Variants in RBMS3 observed in about 807,000 individuals in gnomAD.
RBMS3 encodes RNA-binding motif, single-stranded-interacting protein 3.
In RBMS3, 27 loss-of-function variants were observed where a neutral mutation model predicts 66.8. That is an observed-to-expected ratio of 0.40 (90% CI 0.30 to 0.56). RBMS3 has a LOEUF of 0.56. Ranked by LOEUF, RBMS3 falls within the 20% of genes least tolerant of loss-of-function variation. RBMS3 has a pLI of 0.40. For synonymous variants in RBMS3, 188 were observed against 183.0 expected, an observed-to-expected ratio of 1.03 and a Z score of -0.22; for missense variants, 513 against 549.5, an observed-to-expected ratio of 0.93 and a Z score of 0.66.
chr3:29,581,968 A>G (rs940631976), intron 3 of RBMS3, among the ~76,000 whole-genome samples: 13 of 152,228 alleles, frequency 8.5e-5, no homozygotes, highest in African/African-American at 3.1e-4. Flanking sequence ...GCCCACAGCA[A>G]CACAGAAGTA....
At chr3:29,944,291 G>A in intron 12 of RBMS3, 37 bp downstream of exon 12, 1 of 1,519,620 alleles carries the variant, frequency 6.6e-7, no homozygotes, top group Non-Finnish European at 9.1e-7. Context: ...CTGGATTGGA[G>A]GGGAGAGATG....
At chr3:29,302,069 G>GCTGCAC (rs1238262190) in intron 1 of RBMS3, among the ~76,000 whole-genome samples, 1 of 151,950 alleles carries the variant, frequency 6.6e-6, no homozygotes. Context: ...TAGTGCAGTG[G>GCTGCAC]TATGGTCATG....
chr3:29,974,567 C>A (rs1268058290), intron 12 of RBMS3, among the ~76,000 whole-genome samples: 1 of 151,672 alleles, frequency 6.6e-6, no homozygotes, highest in Non-Finnish European at 1.5e-5. Flanking sequence ...AGGGTCTTAT[C>A]ACAGAAACCT....
chr3:29,668,956 A>G (rs1456144043), intron 4 of RBMS3, among the ~76,000 whole-genome samples: 1 of 152,210 alleles, frequency 6.6e-6, no homozygotes, highest in Non-Finnish European at 1.5e-5. Context: ...ATTGTACCCC[A>G]TCATTTTCCC....
intron 1 of RBMS3, among the ~76,000 whole-genome samples, chr3:29,318,342 A>G (rs1334952746): frequency 2.0e-5 from 3 of 151,882 alleles, no homozygotes; most frequent in African/African-American, 4.8e-5. Context: ...GTCAGTTGCA[A>G]GACAAAATGA....
chr3:29,527,181 TAAAAAAAAAAAAA>T lies in RBMS3; in HGVS notation c.307+38699_307+38711del, dbSNP rs538907247. ...TTTCAGACGTGATTGTTAGGTAGAGTAAAAAAAAAAAAAAAAAAAAAAAAAAAAAGATGGAAAG... is the reference window on the plus strand; with the variant it reads ...TTTCAGACGTGATTGTTAGGTAGAGTAAAAAAAAAAAAAAAAGATGGAAAG... On this transcript the variant is annotated intron_variant, in intron 3 of 14. Coordinates refer to ENST00000383767, the MANE Select transcript of RBMS3 (RefSeq NM_001003793.3). 5.6e-4 allele frequency among the ~76,000 whole-genome samples: 49 copies of T among 87,822 alleles called. 1 individual carries two copies. The highest frequency in any genetic ancestry group is 1.8e-3 in the African/African-American group (38 of 21,074). The allele number at this position is 87,822 out of a possible 152,430, so 57.6% of individuals were successfully genotyped here. A position where few individuals can be genotyped will look rare whatever the true frequency, so the allele number is the denominator to read the frequency against.
chr3:29,596,493 G>A (rs2047946509), intron 4 of RBMS3, among the ~76,000 whole-genome samples: 2 of 152,212 alleles, frequency 1.3e-5, no homozygotes, highest in Non-Finnish European at 2.9e-5. Context: ...AATAGGTTAA[G>A]TGCTTTTATA....
chr3:29,972,240 G>A (rs1393644868), intron 12 of RBMS3, among the ~76,000 whole-genome samples: 2 of 151,788 alleles, frequency 1.3e-5, no homozygotes, highest in African/African-American at 2.4e-5. Context: ...TTGGAAAAAA[G>A]AGGGCTTGCA....
At chr3:29,462,832 A>T (rs1477589362) in intron 2 of RBMS3, among the ~76,000 whole-genome samples, 10 of 152,224 alleles carry the variant, frequency 6.6e-5, no homozygotes, top group Admixed American at 2.0e-4. Flanking sequence ...ACAATGACTT[A>T]AGAAAATGAA....
chr3:29,947,199 T>A (rs1695383376), intron 12 of RBMS3, among the ~76,000 whole-genome samples: 1 of 151,544 alleles, frequency 6.6e-6, no homozygotes, highest in African/African-American at 2.4e-5. Flanking sequence ...TGGCAAAGTT[T>A]GAATCATGGG....
At chr3:29,727,799 C>T (rs9828662) in intron 4 of RBMS3, among the ~76,000 whole-genome samples, 17,589 of 152,112 alleles carry the variant, frequency 0.12, 1,067 homozygotes, top group Middle Eastern at 0.24. Flanking sequence ...GACAGTGTGG[C>T]GATTCCTCAA....
At chr3:29,372,286 G>A (rs868500700) in intron 1 of RBMS3, among the ~76,000 whole-genome samples, 4 of 152,032 alleles carry the variant, frequency 2.6e-5, no homozygotes, top group Middle Eastern at 3.4e-3. Flanking sequence ...GTGAGATCAC[G>A]CCACTGCACT....
intron 3 of RBMS3, among the ~76,000 whole-genome samples, chr3:29,503,795 T>TA (rs2044070814): frequency 6.6e-6 from 1 of 152,150 alleles, no homozygotes; most frequent in African/African-American, 2.4e-5. Context: ...TAGGTGCCTA[T>TA]AAAGTACCTC....
chr3:29,997,145 C>T (rs1315535965), intron 14 of RBMS3, among the ~76,000 whole-genome samples: 190 of 151,776 alleles, frequency 1.3e-3, no homozygotes, highest in African/African-American at 3.7e-3. Flanking sequence ...AACACCTCTA[C>T]GCAAATAAAC....
rs71091070 is a variant in RBMS3 at position 29,546,108 on chromosome 3, T to TTGTGTGTGTG, written c.308-40970_308-40961dup. On this transcript the variant is annotated intron_variant, in intron 3 of 14. Transcript: ENST00000383767. ...GCTGGCACTGTTTGATGAGACGGGTTTGTGTGTGTGTGTGTGTGTGTGTGT... is the reference window on the plus strand; with the variant it reads ...GCTGGCACTGTTTGATGAGACGGGTTTGTGTGTGTGTGTGTGTGTGTGTGTGTGTGTGTGT... Among the ~76,000 whole-genome samples, 505 of 146,020 alleles carry TTGTGTGTGTG rather than the reference T, an allele frequency of 3.5e-3. 2 individuals carry two copies. Among genetic ancestry groups the TTGTGTGTGTG allele is most frequent in the East Asian group, 0.026 (126 of 4,830 alleles).
At chr3:29,478,365 T>C (rs1233367416) in intron 2 of RBMS3, among the ~76,000 whole-genome samples, 1 of 152,186 alleles carries the variant, frequency 6.6e-6, no homozygotes, top group Non-Finnish European at 1.5e-5. Context: ...TTCTGGTTCC[T>C]AAATGGTGCC....
chr3:29,450,073 A>G (rs2041964570), intron 2 of RBMS3, among the ~76,000 whole-genome samples: 1 of 152,204 alleles, frequency 6.6e-6, no homozygotes, highest in Admixed American at 6.5e-5. Context: ...GCTAGTGCCA[A>G]GAAGGAAACA....
intron 1 of RBMS3, among the ~76,000 whole-genome samples, chr3:29,391,763 AG>A (rs2039307054): frequency 6.6e-6 from 1 of 152,200 alleles, no homozygotes. Context: ...AGTAGGGATG[AG>A]CAAAATTGAA....
intron 1 of RBMS3, among the ~76,000 whole-genome samples, chr3:29,431,078 G>T (rs949385189): frequency 6.6e-6 from 1 of 152,132 alleles, no homozygotes; most frequent in Admixed American, 6.5e-5. Flanking sequence ...CAGGAAATAA[G>T]TCATAGTTTT....
Sources: allele counts gnomAD v4.1 joint callset (sites outside exome capture counted in the v4.1 genomes callset), GRCh38; gene constraint gnomAD v4.1.1; transcripts MANE v1.5; gene names NCBI Gene and HGNC (gene_info 2026-07-23, HGNC 2026-07-21).